STARD13: variants seen among roughly 807,000 people sequenced by gnomAD.
STARD13 encodes stAR-related lipid transfer protein 13.
STARD13 carries 62 observed loss-of-function variants against 106.4 expected under a neutral mutation model. The ratio of observed to expected loss-of-function variants is 0.58; its 90% CI spans 0.48 to 0.72. The LOEUF is 0.72. Among genes scored for constraint, STARD13 ranks in the 30% least tolerant of loss-of-function variants. STARD13 has a pLI of 0.00. For synonymous variants in STARD13, 565 were observed against 553.0 expected, an observed-to-expected ratio of 1.02 and a Z score of -0.31; for missense variants, 1,387 against 1,424.0, an observed-to-expected ratio of 0.97 and a Z score of 0.42.
chr13:33,333,618 G>C (rs2077861955), intron 1 of STARD13: 1 of 152,244 alleles, frequency 6.6e-6, no homozygotes, highest in Admixed American at 6.5e-5. Flanking sequence ...GGGGTTTGGG[G>C]TCATCAGAGG....
chr13:33,349,828 C>A (rs2078054968), intron 1 of STARD13, among the ~76,000 whole-genome samples: 1 of 152,248 alleles, frequency 6.6e-6, no homozygotes, highest in Non-Finnish European at 1.5e-5. Context: ...GGACGTGCTC[C>A]TTGCCTTGCA....
At chr13:33,173,637 C>T (rs1053949171) in intron 1 of STARD13, among the ~76,000 whole-genome samples, 7 of 152,126 alleles carry the variant, frequency 4.6e-5, no homozygotes, top group African/African-American at 1.7e-4. Flanking sequence ...ATATTCATAA[C>T]ATTTTCTTTC....
At chr13:33,295,467 G>A (rs945709765) in intron 1 of STARD13, among the ~76,000 whole-genome samples, 6 of 152,042 alleles carry the variant, frequency 3.9e-5, no homozygotes, top group African/African-American at 7.2e-5. Flanking sequence ...CTGACGTCTC[G>A]TTTGTCATCA....
chr13:33,117,026 T>C (rs1875470801), intron 8 of STARD13, among the ~76,000 whole-genome samples: 1 of 152,222 alleles, frequency 6.6e-6, no homozygotes, highest in African/African-American at 2.4e-5. Context: ...AATGGCTTTT[T>C]TCCCCCATGA....
chr13:33,499,519 TTTCTTCTTCTTCTTCTTCTTCTTCTTC>T, the STARD13 span, among the ~76,000 whole-genome samples: 2 of 91,888 alleles, frequency 2.2e-5, no homozygotes, highest in Admixed American at 1.2e-4. Flanking sequence ...TTCTTCTTTC[TTTCTTCTTCTTCTTCTTCTTCTTCTTC>T]TTCTTCTTCT....
At chr13:33,265,892 G>A (rs1402366894) in intron 1 of STARD13, among the ~76,000 whole-genome samples, 1 of 152,100 alleles carries the variant, frequency 6.6e-6, no homozygotes, top group Non-Finnish European at 1.5e-5. Flanking sequence ...TTATCATGGG[G>A]AGTGGGGAGA....
At chr13:33,332,578 C>A (rs141139868) in intron 1 of STARD13, among the ~76,000 whole-genome samples, 179 of 152,260 alleles carry the variant, frequency 1.2e-3, no homozygotes, top group African/African-American at 3.8e-3. Flanking sequence ...CATGCTGGCA[C>A]CCTGATCTCG....
intron 8 of STARD13, 77 bp from the exon 9 acceptor site, chr13:33,113,008 A>G: frequency 8.8e-7 from 1 of 1,133,416 alleles, no homozygotes; most frequent in Non-Finnish European, 1.3e-6. Context: ...TGTAAGCTCC[A>G]CATTCCTCGT....
chr13:33,322,969 A>G, intron 1 of STARD13, among the ~76,000 whole-genome samples: 1 of 152,284 alleles, frequency 6.6e-6, no homozygotes, highest in East Asian at 1.9e-4. Flanking sequence ...TTTCTTTTTT[A>G]TAGGCATCTA....
At chr13:33,429,362 C>T in the STARD13 span, among the ~76,000 whole-genome samples, 1 of 152,004 alleles carries the variant, frequency 6.6e-6, no homozygotes, top group Non-Finnish European at 1.5e-5. Flanking sequence ...TTTGGGAGGC[C>T]GAGGCGGGCG....
chr13:33,415,186 G>A, the STARD13 span, among the ~76,000 whole-genome samples: 1 of 152,132 alleles, frequency 6.6e-6, no homozygotes, highest in Non-Finnish European at 1.5e-5. Flanking sequence ...GGCTAACACG[G>A]TGAAACCCCG....
chr13:33,622,069 T>A, the STARD13 span, among the ~76,000 whole-genome samples: 12,445 of 151,904 alleles, frequency 0.082, 1,128 homozygotes, highest in African/African-American at 0.23. Flanking sequence ...CCTCCCAAAG[T>A]GCTGGGATTA....
the STARD13 span, among the ~76,000 whole-genome samples, chr13:33,579,536 CAGCT>C: frequency 6.6e-6 from 1 of 151,826 alleles, no homozygotes; most frequent in Non-Finnish European, 1.5e-5. Context: ...ACAATGTACA[CAGCT>C]AGGGTGACAG....
intron 1 of STARD13, among the ~76,000 whole-genome samples, chr13:33,302,711 C>T (rs534726135): frequency 6.6e-6 from 1 of 152,198 alleles, no homozygotes; most frequent in Non-Finnish European, 1.5e-5. Context: ...CTGGCTTTAT[C>T]TCATCTAATT....
chr13:33,350,601 T>G (rs2078067722), exon 1 of STARD13: 1 of 1,383,878 alleles, frequency 7.2e-7, no homozygotes, highest in Non-Finnish European at 9.3e-7. Context: ...CCGGGATGCC[T>G]GGCCACCAGA....
At chr13:33,185,995 C>T (rs906194000) in intron 1 of STARD13, 2 of 1,614,186 alleles carry the variant, frequency 1.2e-6, no homozygotes, top group Middle Eastern at 1.6e-4. Context: ...TTAACGTTTG[C>T]ATGGAGAACT....
At chr13:33,300,626 G>A (rs1892673777) in intron 1 of STARD13, among the ~76,000 whole-genome samples, 1 of 152,036 alleles carries the variant, frequency 6.6e-6, no homozygotes, top group Non-Finnish European at 1.5e-5. Flanking sequence ...TATGTTACTT[G>A]GTAAAATTCT....
At chr13:33,224,219 G>C (rs1439014311) in intron 1 of STARD13, among the ~76,000 whole-genome samples, 1 of 152,192 alleles carries the variant, frequency 6.6e-6, no homozygotes, top group African/African-American at 2.4e-5. Flanking sequence ...GAAACACCAG[G>C]TAGCCATAGG....
chr13:33,595,015 A>G, the STARD13 span, among the ~76,000 whole-genome samples: 2 of 152,192 alleles, frequency 1.3e-5, no homozygotes, highest in Non-Finnish European at 2.9e-5. Flanking sequence ...TTTGGGATAT[A>G]TATCAAAAAG....
Sources: allele counts gnomAD v4.1 joint callset (sites outside exome capture counted in the v4.1 genomes callset), GRCh38; gene constraint gnomAD v4.1.1; transcripts MANE v1.5; gene names NCBI Gene and HGNC (gene_info 2026-07-23, HGNC 2026-07-21).